The following SEMA5A variants were observed in gnomAD, a reference collection of about 807,000 sequenced individuals.
SEMA5A encodes the protein semaphorin 5A.
A neutral mutation model predicts 135.5 loss-of-function variants in SEMA5A; 55 were observed. The ratio of observed to expected loss-of-function variants is 0.41; its 90% CI spans 0.33 to 0.51. The LOEUF is 0.51. Ranked by LOEUF, SEMA5A falls within the 20% of genes least tolerant of loss-of-function variation. The probability of loss-of-function intolerance (pLI) is 0.37; values close to 1 mark genes in which losing one functional copy is unlikely to be tolerated. For synonymous variants in SEMA5A, 580 were observed against 546.5 expected (o/e 1.06, Z -0.85); for missense variants, 1,290 against 1,419.9 (o/e 0.91, Z 1.47).
chr5:9,513,427 T>A (rs1318327547), intron 1 of SEMA5A, among the ~76,000 whole-genome samples: 1 of 152,142 alleles, frequency 6.6e-6, no homozygotes, highest in Non-Finnish European at 1.5e-5. Flanking sequence ...TTTCATTAAA[T>A]CAAAAATGTG....
At chr5:9,328,289 G>A (rs3797981) in intron 4 of SEMA5A, among the ~76,000 whole-genome samples, 3 of 152,010 alleles carry the variant, frequency 2.0e-5, no homozygotes, top group East Asian at 3.9e-4. Flanking sequence ...TCCACAACCC[G>A]CAACTGCCAT....
rs1036870647 is a variant in SEMA5A, at chr5:9,238,863, G to A, written c.271-973C>T. Among the ~76,000 whole-genome samples the A allele has an allele frequency of 3.9e-5, 6 of 152,078 alleles. 1 individual carries two copies. The South Asian group carries it at 8.3e-4, about 21-fold the overall frequency. On this transcript the variant is annotated intron_variant, in intron 5 of 22. Coordinates refer to ENST00000382496, the MANE Select transcript of SEMA5A (RefSeq NM_003966.3). ...ATGTGCGGTAATTCAATCATTAACA[G>A]AAAGACATTTTGAGATAGAGACTTT...
intron 15 of SEMA5A, among the ~76,000 whole-genome samples, chr5:9,113,767 C>T (rs1251243305): frequency 6.6e-6 from 1 of 152,096 alleles, no homozygotes; most frequent in African/African-American, 2.4e-5. Context: ...TTCATACCTA[C>T]TAGGATGGAT....
At chr5:9,279,661 C>T (rs1480135305) in intron 5 of SEMA5A, among the ~76,000 whole-genome samples, 1 of 152,092 alleles carries the variant, frequency 6.6e-6, no homozygotes, top group Non-Finnish European at 1.5e-5. Context: ...GGCAGATTTC[C>T]CCCTTGCTGT....
At chr5:9,210,923 C>T (rs1240725141) in intron 8 of SEMA5A, among the ~76,000 whole-genome samples, 1 of 152,202 alleles carries the variant, frequency 6.6e-6, no homozygotes, top group African/African-American at 2.4e-5. Context: ...CATGGACAGG[C>T]AGGCGATATG....
intron 1 of SEMA5A, among the ~76,000 whole-genome samples, chr5:9,515,307 A>G (rs2126856859): frequency 6.6e-6 from 1 of 152,332 alleles, no homozygotes; most frequent in East Asian, 1.9e-4. Flanking sequence ...AATGTATATC[A>G]TGTTAGCACC....
At chr5:9,459,980 G>A (rs777059103) in intron 1 of SEMA5A, among the ~76,000 whole-genome samples, 20 of 152,238 alleles carry the variant, frequency 1.3e-4, no homozygotes, top group Admixed American at 7.8e-4. Flanking sequence ...AGAAAGCAAG[G>A]TCATAATCAA....
intron 16 of SEMA5A, among the ~76,000 whole-genome samples, chr5:9,101,528 T>C (rs1739631890): frequency 6.6e-6 from 1 of 152,356 alleles, no homozygotes; most frequent in African/African-American, 2.4e-5. Flanking sequence ...ATTATTTTTA[T>C]CTATAAAAAT....
chr5:9,100,033 A>G (rs1296153493), intron 16 of SEMA5A, among the ~76,000 whole-genome samples: 1 of 152,216 alleles, frequency 6.6e-6, no homozygotes, highest in African/African-American at 2.4e-5. Flanking sequence ...TGGTCCACAC[A>G]ATGGAGAAGC....
At chr5:9,485,170 A>T (rs1384713301) in intron 1 of SEMA5A, among the ~76,000 whole-genome samples, 4 of 151,876 alleles carry the variant, frequency 2.6e-5, no homozygotes, top group African/African-American at 9.7e-5. Flanking sequence ...GGAGCCTTTT[A>T]TGGTCTAGAG....
intron 2 of SEMA5A, among the ~76,000 whole-genome samples, chr5:9,435,779 C>T (rs191377425): frequency 4.3e-4 from 65 of 152,308 alleles, no homozygotes; most frequent in South Asian, 2.5e-3. Flanking sequence ...CATACTACAA[C>T]GGCAGAGTGA....
chr5:9,067,881 T>A (rs1737562605), intron 16 of SEMA5A, among the ~76,000 whole-genome samples: 1 of 152,208 alleles, frequency 6.6e-6, no homozygotes, highest in African/African-American at 2.4e-5. Context: ...TCTGGAAGAT[T>A]TCCTCAACCT....
intron 1 of SEMA5A, among the ~76,000 whole-genome samples, chr5:9,503,334 G>C (rs917910703): frequency 6.6e-6 from 1 of 152,198 alleles, no homozygotes; most frequent in Non-Finnish European, 1.5e-5. Context: ...AGAGCCCCGA[G>C]GGCTCCAGGC....
chr5:9,472,803 C>T (rs1759523944), intron 1 of SEMA5A, among the ~76,000 whole-genome samples: 1 of 151,684 alleles, frequency 6.6e-6, no homozygotes, highest in South Asian at 2.1e-4. Flanking sequence ...CATTTTGATG[C>T]ATTTCTTTCT....
chr5:9,141,771 T>C (rs1379855850), intron 12 of SEMA5A, among the ~76,000 whole-genome samples: 2 of 152,220 alleles, frequency 1.3e-5, no homozygotes, highest in African/African-American at 4.8e-5. Context: ...GTTTATTCAT[T>C]AAAATATTTT....
intron 16 of SEMA5A, among the ~76,000 whole-genome samples, chr5:9,105,361 A>G (rs912503200): frequency 5.3e-5 from 8 of 152,248 alleles, no homozygotes; most frequent in African/African-American, 1.9e-4. Flanking sequence ...TGTTGGCAGA[A>G]GCAGAGATTC....
At chr5:9,169,275 A>G (rs938441930) in intron 11 of SEMA5A, among the ~76,000 whole-genome samples, 1 of 152,204 alleles carries the variant, frequency 6.6e-6, no homozygotes, top group African/African-American at 2.4e-5. Context: ...ATATTGAATC[A>G]AGTTGCAGAC....
intron 5 of SEMA5A, among the ~76,000 whole-genome samples, chr5:9,255,328 C>T (rs190229299): frequency 2.5e-4 from 38 of 152,246 alleles, no homozygotes; most frequent in Non-Finnish European, 2.9e-5. Flanking sequence ...CATAGCTGGT[C>T]AACATGCAGG....
intron 3 of SEMA5A, among the ~76,000 whole-genome samples, chr5:9,361,097 G>A (rs1311486735): frequency 2.6e-5 from 4 of 152,082 alleles, no homozygotes; most frequent in East Asian, 1.9e-4. Flanking sequence ...TCAAGAGTTC[G>A]AGACCAGCCT....
Sources: gnomAD v4.1 joint callset for allele counts (sites outside exome capture counted in the v4.1 genomes callset) on GRCh38, gnomAD v4.1.1 for gene constraint, MANE v1.5 for transcripts, NCBI Gene and HGNC (gene_info 2026-07-23, HGNC 2026-07-21) for gene names.